DCTN4: variants seen among roughly 807,000 people sequenced by gnomAD.
DCTN4 encodes the protein dynactin subunit 4.
Under a neutral mutation model 62.7 loss-of-function variants are expected in DCTN4, and 23 were observed. The ratio of observed to expected loss-of-function variants is 0.37; its 90% CI spans 0.26 to 0.52. DCTN4 has a LOEUF of 0.52. Ranked by LOEUF, DCTN4 falls within the 20% of genes least tolerant of loss-of-function variation. DCTN4 has a pLI of 0.92. For missense variants in DCTN4, 514 were observed against 580.4 expected, an observed-to-expected ratio of 0.89 and a Z score of 1.18; for synonymous variants, 199 against 202.1, an observed-to-expected ratio of 0.98 and a Z score of 0.13.
At chr5:150,755,094 G>T (rs973891294) in intron 2 of DCTN4, among the ~76,000 whole-genome samples, 1 of 152,102 alleles carries the variant, frequency 6.6e-6, no homozygotes, top group South Asian at 2.1e-4. Context: ...TATGTCAAAG[G>T]GATCTAGGAG....
chr5:150,734,712 G>C (rs1760512095), intron 4 of DCTN4, among the ~76,000 whole-genome samples: 1 of 152,228 alleles, frequency 6.6e-6, no homozygotes. Flanking sequence ...GGAAGGGGCG[G>C]AGTCCAAAAG....
At chr5:150,756,621 A>ATTC in intron 1 of DCTN4, 134 bp from the exon 2 acceptor site, 1 of 406,274 alleles carries the variant, frequency 2.5e-6, no homozygotes. Flanking sequence ...CTTAGGGTTT[A>ATTC]TTCTTCTTCA....
chr5:150,736,719 A>G (rs1277301764), intron 4 of DCTN4, among the ~76,000 whole-genome samples: 1 of 152,214 alleles, frequency 6.6e-6, no homozygotes, highest in African/African-American at 2.4e-5. Flanking sequence ...AAATCTAAGT[A>G]TTCAGGCAAC....
intron 1 of DCTN4, among the ~76,000 whole-genome samples, chr5:150,756,942 T>C (rs543350207): frequency 4.7e-4 from 71 of 152,370 alleles, no homozygotes; most frequent in Admixed American, 3.2e-3. Context: ...ACAGGTTGAC[T>C]GAAGGCAAGC....
chr5:150,733,546 G>A, intron 4 of DCTN4, 71 bp from the exon 5 acceptor site: 1 of 1,037,488 alleles, frequency 9.6e-7, no homozygotes, highest in Non-Finnish European at 1.4e-6. Context: ...CAACTACACT[G>A]ACTAGACACA....
At chr5:150,746,347 T>G (rs899869014) in intron 3 of DCTN4, among the ~76,000 whole-genome samples, 14 of 152,162 alleles carry the variant, frequency 9.2e-5, no homozygotes, top group African/African-American at 3.1e-4. Context: ...ATAGCCAAAT[T>G]CTACCAGACG....
In DCTN4 at chr5:150,732,100, ACTT is replaced by A. The variant is rs143315680; in HGVS notation, c.538-614_538-612del. ...ACCACTGGACTATTCAGAAAAATTC[ACTT>A]CTTTTTGCAAATGTAGGTGCTTTGC... On this transcript the variant is annotated intron_variant, in intron 5 of 12. Transcript: ENST00000447998. Among the ~76,000 whole-genome samples the A allele has an allele frequency of 5.4e-3, 822 of 152,312 alleles. 7 individuals carry two copies. Among genetic ancestry groups the A allele is most frequent in the African/African-American group, 0.019 (790 of 41,570 alleles).
chr5:150,726,380 G>C (rs533587424), intron 8 of DCTN4, among the ~76,000 whole-genome samples: 1 of 152,234 alleles, frequency 6.6e-6, no homozygotes, highest in African/African-American at 2.4e-5. Flanking sequence ...AGCTTGAACA[G>C]GGGAGCTCAC....
chr5:150,711,491 C>G, intron 12 of DCTN4, 129 bp from the exon 13 acceptor site: 1 of 727,654 alleles, frequency 1.4e-6, no homozygotes, highest in Admixed American at 2.8e-5. Flanking sequence ...ACACTTTGTT[C>G]TTAACCTACC....
At chr5:150,758,487 C>T in intron 1 of DCTN4, 1 of 997,458 alleles carries the variant, frequency 1.0e-6, no homozygotes, top group Non-Finnish European at 1.2e-6. Context: ...CCTGCGCCTC[C>T]CTCCATCCTC....
chr5:150,736,852 T>C (rs1760599975), intron 4 of DCTN4, among the ~76,000 whole-genome samples: 2 of 152,182 alleles, frequency 1.3e-5, no homozygotes, highest in African/African-American at 4.8e-5. Context: ...CAACCAAGTA[T>C]CTGCCGTCTT....
intron 3 of DCTN4, among the ~76,000 whole-genome samples, chr5:150,744,737 T>A (rs1760898309): frequency 6.6e-6 from 1 of 151,602 alleles, no homozygotes; most frequent in Admixed American, 6.6e-5. Context: ...GACAAGCAAA[T>A]GATGAGAGAT....
At chr5:150,728,190 T>A (rs1430988882) in intron 8 of DCTN4, among the ~76,000 whole-genome samples, 1 of 152,220 alleles carries the variant, frequency 6.6e-6, no homozygotes, top group Non-Finnish European at 1.5e-5. Context: ...TTATTGAGCA[T>A]CTTAGCCTAT....
chr5:150,731,532 C>T (rs1161568274), intron 5 of DCTN4, 43 bp from the exon 6 acceptor site: 3 of 1,493,938 alleles, frequency 2.0e-6, no homozygotes, highest in Non-Finnish European at 2.8e-6. Context: ...TCCACTTTTA[C>T]ACACCCTATT....
At chr5:150,750,928 A>G (rs922145787) in intron 3 of DCTN4, among the ~76,000 whole-genome samples, 41 of 152,316 alleles carry the variant, frequency 2.7e-4, no homozygotes, top group African/African-American at 8.9e-4. Flanking sequence ...AAAGGACGCA[A>G]TTACCTTGCT....
At chr5:150,755,232 T>G (rs951287612) in intron 2 of DCTN4, among the ~76,000 whole-genome samples, 29 of 152,142 alleles carry the variant, frequency 1.9e-4, no homozygotes, top group African/African-American at 6.0e-4. Context: ...GTAAGTGATT[T>G]AAAAAACAAA....
At chr5:150,718,135 TA>T (rs1046388500) in intron 11 of DCTN4, 140 bp downstream of exon 11, 17 of 573,896 alleles carry the variant, frequency 3.0e-5, no homozygotes, top group African/African-American at 1.6e-4. Flanking sequence ...CAGGATAAAG[TA>T]AAAAAATTTA....
Position 150,758,945 on chromosome 5 carries a change from C to G in DCTN4, c.49G>C (p.Glu17Gln), listed in dbSNP as rs1039761011. 6 of 1,614,026 alleles carry G rather than the reference C, an allele frequency of 3.7e-6. No homozygotes were observed. The African/African-American group carries it at 6.7e-5, about 18-fold the overall frequency. The change falls in exon 1 of 13, where the codon GAA becomes CAA. Residue 17 changes from glutamate to glutamine, a missense_variant. Transcript: ENST00000447998. ...GAGAGCGGGGCCCGAACCTTCTTTT[C>G]TCCCTGGACTAGATAGAGAACCCGG... is the stretch of plus-strand genomic sequence containing the variant. The part of the protein sequence containing the change: ...SDRVLYLVQG[E>Q]KKVRAPLSQL...
chr5:150,720,755 A>T (rs962627573), intron 9 of DCTN4, among the ~76,000 whole-genome samples: 1 of 152,216 alleles, frequency 6.6e-6, no homozygotes, highest in African/African-American at 2.4e-5. Flanking sequence ...TTGAGATTAC[A>T]GGCATGAGCC....
Sources: allele counts gnomAD v4.1 joint callset (sites outside exome capture counted in the v4.1 genomes callset), GRCh38; gene constraint gnomAD v4.1.1; transcripts MANE v1.5; gene names NCBI Gene and HGNC (gene_info 2026-07-23, HGNC 2026-07-21).